Variants in RABGAP1L observed in about 807,000 individuals in gnomAD.
RABGAP1L encodes rab GTPase-activating protein 1-like.
In RABGAP1L, 63 loss-of-function variants were observed where a neutral mutation model predicts 137.7. That is an observed-to-expected ratio of 0.46 (90% CI 0.37 to 0.56). The LOEUF (loss-of-function observed/expected upper bound fraction) is 0.56, where lower values mean the gene tolerates loss of function less well. Ranked by LOEUF, RABGAP1L falls within the 20% of genes least tolerant of loss-of-function variation. The pLI is 0.00. For synonymous variants in RABGAP1L, 431 were observed against 433.7 expected, an observed-to-expected ratio of 0.99 and a Z score of 0.08; for missense variants, 1,095 against 1,244.0, an observed-to-expected ratio of 0.88 and a Z score of 1.80.
At chr1:174,249,568 C>T (rs978186596) in intron 5 of RABGAP1L, among the ~76,000 whole-genome samples, 3 of 150,018 alleles carry the variant, frequency 2.0e-5, no homozygotes, top group Non-Finnish European at 3.0e-5. Flanking sequence ...GTTTAAATGT[C>T]AGAGTTGTGA....
chr1:174,221,085 A>T lies in RABGAP1L; in HGVS notation c.252A>T (p.Ser84=). The change falls in exon 3 of 26, where the codon TCA becomes TCT. Residue 84 remains serine, a synonymous_variant. Transcript: ENST00000681986. The part of the protein sequence containing the change: ...LVDCQSSSEI[S]DHSFGDIPAS... ...ATTGTCAAAGTTCCAGTGAGATTTCAGACCATTCGTTTGGAGATATTCCAG... is the reference window on the plus strand; with the variant it reads ...ATTGTCAAAGTTCCAGTGAGATTTCTGACCATTCGTTTGGAGATATTCCAG... The T allele has an allele frequency of 6.2e-7, 1 of 1,613,960 alleles. No homozygotes were observed. The highest frequency in any genetic ancestry group is 1.3e-5 in the African/African-American group (1 of 75,046).
chr1:174,354,051 T>G (rs1683412338), intron 11 of RABGAP1L, among the ~76,000 whole-genome samples: 1 of 152,194 alleles, frequency 6.6e-6, no homozygotes, highest in Non-Finnish European at 1.5e-5. Context: ...TGTGGGCATT[T>G]CTCTTTTATT....
intron 13 of RABGAP1L, among the ~76,000 whole-genome samples, chr1:174,512,072 T>C (rs1359398373): frequency 1.3e-5 from 2 of 152,234 alleles, no homozygotes; most frequent in East Asian, 3.8e-4. Flanking sequence ...ACATAATGTA[T>C]AGTGATCAGG....
At chr1:174,261,917 T>A (rs2043713856) in intron 7 of RABGAP1L, among the ~76,000 whole-genome samples, 1 of 152,214 alleles carries the variant, frequency 6.6e-6, no homozygotes. Flanking sequence ...GAGGATATCA[T>A]TCCTCCCTTT....
chr1:174,411,054 A>G (rs1007814611), intron 13 of RABGAP1L, among the ~76,000 whole-genome samples: 1 of 152,094 alleles, frequency 6.6e-6, no homozygotes, highest in Admixed American at 6.6e-5. Context: ...CGATATTGCT[A>G]TATAGAAATG....
intron 13 of RABGAP1L, among the ~76,000 whole-genome samples, chr1:174,611,170 A>G (rs1184758451): frequency 6.8e-6 from 1 of 147,698 alleles, no homozygotes; most frequent in Non-Finnish European, 1.5e-5. Context: ...GTTTTCTTCT[A>G]GGGTTTTTAT....
intron 10 of RABGAP1L, among the ~76,000 whole-genome samples, chr1:174,281,954 C>T (rs1675603637): frequency 6.6e-6 from 1 of 152,138 alleles, no homozygotes; most frequent in African/African-American, 2.4e-5. Context: ...TATGTAAAAG[C>T]TTTCTTCATG....
At chr1:174,322,425 G>T (rs1277715244) in intron 11 of RABGAP1L, among the ~76,000 whole-genome samples, 1 of 152,146 alleles carries the variant, frequency 6.6e-6, no homozygotes, top group Non-Finnish European at 1.5e-5. Flanking sequence ...CACTTGACTG[G>T]GTGGGGCAAG....
chr1:174,164,454 A>G (rs1209019946), intron 1 of RABGAP1L, among the ~76,000 whole-genome samples: 2 of 152,184 alleles, frequency 1.3e-5, no homozygotes, highest in South Asian at 2.1e-4. Flanking sequence ...CCGCAAGCGC[A>G]CACACACACA....
At chr1:174,768,592 A>C (rs1246087146) in intron 18 of RABGAP1L, among the ~76,000 whole-genome samples, 1 of 152,218 alleles carries the variant, frequency 6.6e-6, no homozygotes, top group African/African-American at 2.4e-5. Flanking sequence ...GCCACTGTGC[A>C]TGTGGACAGC....
rs1683902474 is a variant in RABGAP1L at position 174,746,782 on chromosome 1, A to G, written c.2170-5531A>G. ...AGGAAAGTTACTTTGATTTCTCTAA[A>G]TCTTGATTTCCTTGTGTATAAAATG... On this transcript the variant is annotated intron_variant, in intron 17 of 25. Coordinates refer to ENST00000681986, the MANE Select transcript of RABGAP1L (RefSeq NM_001366446.1). Among the ~76,000 whole-genome samples, 3 of 152,348 alleles carry G rather than the reference A, an allele frequency of 2.0e-5. No homozygotes were observed. The South Asian group carries it at 6.2e-4, about 32-fold the overall frequency.
At chr1:174,986,199 C>T (rs1363862672) in intron 24 of RABGAP1L, among the ~76,000 whole-genome samples, 2 of 146,294 alleles carry the variant, frequency 1.4e-5, no homozygotes, top group Non-Finnish European at 2.9e-5. Context: ...CTACCCACCT[C>T]GGCCTCCCAA....
chr1:174,757,425 T>A (rs1457364686), intron 18 of RABGAP1L, among the ~76,000 whole-genome samples: 1 of 151,854 alleles, frequency 6.6e-6, no homozygotes, highest in Non-Finnish European at 1.5e-5. Context: ...AAAATTCTTC[T>A]CTGCTAGCAA....
chr1:174,929,832 T>C (rs1356917074), intron 19 of RABGAP1L, among the ~76,000 whole-genome samples: 1 of 147,694 alleles, frequency 6.8e-6, no homozygotes, highest in Non-Finnish European at 1.5e-5. Context: ...CTCTACTGAT[T>C]TTAAAGCAAA....
At chr1:174,377,156 A>G (rs572222931) in intron 12 of RABGAP1L, among the ~76,000 whole-genome samples, 2 of 152,348 alleles carry the variant, frequency 1.3e-5, no homozygotes, top group Admixed American at 1.3e-4. Flanking sequence ...TGTGAGCTAA[A>G]TATATACTTT....
intron 18 of RABGAP1L, among the ~76,000 whole-genome samples, chr1:174,754,828 A>G (rs1284870383): frequency 6.6e-6 from 1 of 152,362 alleles, no homozygotes; most frequent in East Asian, 1.9e-4. Flanking sequence ...ATTGAGCCTA[A>G]GGAATTTTCA....
intron 19 of RABGAP1L, among the ~76,000 whole-genome samples, chr1:174,869,360 A>G (rs536776173): frequency 1.3e-5 from 2 of 152,054 alleles, no homozygotes; most frequent in Middle Eastern, 3.4e-3. Context: ...TGTTCTTGTG[A>G]TCCTGAGTGA....
intron 10 of RABGAP1L, among the ~76,000 whole-genome samples, chr1:174,285,071 C>G (rs750964017): frequency 3.0e-4 from 46 of 152,004 alleles, no homozygotes; most frequent in Non-Finnish European, 5.9e-4. Context: ...GGCTGGAGTG[C>G]AGTGGTATGA....
intron 12 of RABGAP1L, among the ~76,000 whole-genome samples, chr1:174,384,944 G>A (rs1271291051): frequency 6.6e-6 from 1 of 152,070 alleles, no homozygotes; most frequent in Non-Finnish European, 1.5e-5. Context: ...TCTCTATTAG[G>A]TTATACATAG....
Sources: allele counts gnomAD v4.1 joint callset (sites outside exome capture counted in the v4.1 genomes callset), GRCh38; gene constraint gnomAD v4.1.1; transcripts MANE v1.5; gene names NCBI Gene and HGNC (gene_info 2026-07-23, HGNC 2026-07-21).